The following FRYL variants were observed in gnomAD, a reference collection of about 807,000 sequenced individuals.
FRYL encodes the protein FRY like transcription coactivator.
Under a neutral mutation model 351.2 loss-of-function variants are expected in FRYL, and 150 were observed. The ratio of observed to expected loss-of-function variants is 0.43; its 90% CI spans 0.37 to 0.49. The LOEUF (loss-of-function observed/expected upper bound fraction) is 0.49, where lower values mean the gene tolerates loss of function less well. Among genes scored for constraint, FRYL ranks in the 20% least tolerant of loss-of-function variants. FRYL has a pLI of 0.00. For missense variants in FRYL, 3,036 were observed against 3,619.3 expected (o/e 0.84, Z 4.13); for synonymous variants, 1,153 against 1,257.1 (o/e 0.92, Z 1.75).
chr4:48,550,573 A>G lies in FRYL; in HGVS notation c.4633+19T>C. ...ACCTCACCCTTATAGTTATATTAAA[A>G]ACATTTGGAATTTATTACTTTTTTC... On this transcript the variant is annotated intron_variant, in intron 38 of 63. Coordinates refer to ENST00000358350, the MANE Select transcript of FRYL (RefSeq NM_015030.2). 7.0e-7 allele frequency: 1 copy of G among 1,427,062 alleles called. No individual in the cohort carries two copies. The highest frequency in any genetic ancestry group is 1.1e-5 in the South Asian group (1 of 87,264). The allele number at this position is 1,427,062 out of a possible 1,614,324, so 88.4% of individuals were successfully genotyped here.
intron 4 of FRYL, among the ~76,000 whole-genome samples, chr4:48,625,521 G>A (rs767065575): frequency 8.5e-5 from 13 of 152,234 alleles, no homozygotes; most frequent in Non-Finnish European, 1.5e-4. Flanking sequence ...ACAGACTTGT[G>A]TCATTATTCC....
intron 3 of FRYL, among the ~76,000 whole-genome samples, chr4:48,656,253 A>T (rs1389453829): frequency 8.2e-6 from 1 of 121,946 alleles, no homozygotes; most frequent in Admixed American, 9.1e-5. Flanking sequence ...TTATGAATAT[A>T]TATTTGAATA....
At chr4:48,613,817 G>A (rs568960052) in intron 7 of FRYL, among the ~76,000 whole-genome samples, 6 of 152,074 alleles carry the variant, frequency 3.9e-5, no homozygotes, top group Admixed American at 6.5e-5. Flanking sequence ...TTAGCCAGGC[G>A]TGGTAGCACA....
chr4:48,700,859 T>G (rs1051430036), intron 2 of FRYL, among the ~76,000 whole-genome samples: 16 of 151,914 alleles, frequency 1.1e-4, no homozygotes, highest in Non-Finnish European at 1.5e-5. Context: ...AAATGCATTA[T>G]AATTGAAGCT....
chr4:48,568,900 T>C (rs1346682574), intron 27 of FRYL, among the ~76,000 whole-genome samples: 3 of 152,188 alleles, frequency 2.0e-5, no homozygotes, highest in Non-Finnish European at 4.4e-5. Context: ...GTCAGGCACA[T>C]GAAATCCACT....
chr4:48,548,832 C>T, intron 39 of FRYL, 39 bp from the exon 40 acceptor site: 1 of 1,131,730 alleles, frequency 8.8e-7, no homozygotes, highest in Non-Finnish European at 1.3e-6. Flanking sequence ...TTTACTAGAT[C>T]TCAGTAAACC....
chr4:48,509,769 G>A lies in FRYL; in HGVS notation c.8394+290C>T, dbSNP rs775030982. Among the ~76,000 whole-genome samples the A allele has an allele frequency of 5.3e-5, 8 of 152,172 alleles. 1 individual carries two copies. Among genetic ancestry groups the A allele is most frequent in the Non-Finnish European group, 1.0e-4 (7 of 68,022 alleles). Reference sequence around the variant, plus strand: ...AGACCACAATTCTCTAATGCACTGAGAAATACTGCTTCAATTTCCCCACTT... The same window carrying A: ...AGACCACAATTCTCTAATGCACTGAAAAATACTGCTTCAATTTCCCCACTT... On this transcript the variant is annotated intron_variant, in intron 59 of 63. Coordinates refer to ENST00000358350, the MANE Select transcript of FRYL (RefSeq NM_015030.2).
intron 3 of FRYL, among the ~76,000 whole-genome samples, chr4:48,676,400 C>A (rs1410867296): frequency 6.6e-6 from 1 of 152,172 alleles, no homozygotes; most frequent in African/African-American, 2.4e-5. Flanking sequence ...TCCAGACGCA[C>A]CATCTTAAGA....
chr4:48,557,209 T>G, intron 34 of FRYL, 91 bp from the exon 35 acceptor site: 1 of 1,447,138 alleles, frequency 6.9e-7, no homozygotes, highest in South Asian at 1.4e-5. Context: ...AAAAATGTTT[T>G]GTACAGATAG....
chr4:48,704,606 G>T (rs1229625260), intron 2 of FRYL, among the ~76,000 whole-genome samples: 1 of 152,086 alleles, frequency 6.6e-6, no homozygotes, highest in Non-Finnish European at 1.5e-5. Flanking sequence ...GAGGCTAGGA[G>T]TTCCAGACCA....
intron 1 of FRYL, among the ~76,000 whole-genome samples, chr4:48,711,367 T>G: frequency 6.6e-6 from 1 of 152,298 alleles, no homozygotes; most frequent in Admixed American, 6.5e-5. Flanking sequence ...ACTCAAATAC[T>G]GCGCTTTTCC....
At chr4:48,515,448 A>G (rs750093145) in intron 55 of FRYL, among the ~76,000 whole-genome samples, 173 bp from the exon 56 acceptor site, 6 of 152,138 alleles carry the variant, frequency 3.9e-5, no homozygotes, top group African/African-American at 7.2e-5. Context: ...GCTCACTGCA[A>G]TCTCCGCCTC....
intron 21 of FRYL, among the ~76,000 whole-genome samples, chr4:48,581,179 T>A (rs1740813052): frequency 1.3e-5 from 2 of 151,874 alleles, no homozygotes; most frequent in South Asian, 4.2e-4. Context: ...GTAGCTGGAC[T>A]ACAGGCGCCC....
chr4:48,737,241 G>A (rs1038485238), intron 1 of FRYL, among the ~76,000 whole-genome samples: 1 of 135,114 alleles, frequency 7.4e-6, no homozygotes, highest in African/African-American at 2.7e-5. Context: ...CTGGGCCACA[G>A]AGCGAGACTC....
At chr4:48,505,390 C>A in intron 60 of FRYL, 157 bp downstream of exon 60, 86 of 610,316 alleles carry the variant, frequency 1.4e-4, no homozygotes, top group Middle Eastern at 2.6e-4. Context: ...ACCAGTATTT[C>A]ATTGAGCTTT....
intron 2 of FRYL, among the ~76,000 whole-genome samples, chr4:48,702,083 A>G (rs1766779108): frequency 6.6e-6 from 1 of 152,218 alleles, no homozygotes; most frequent in Non-Finnish European, 1.5e-5. Flanking sequence ...AAGAAATTTG[A>G]ATGACTGATC....
At chr4:48,759,238 A>AT (rs1402498767) in intron 1 of FRYL, among the ~76,000 whole-genome samples, 1 of 152,156 alleles carries the variant, frequency 6.6e-6, no homozygotes, top group Non-Finnish European at 1.5e-5. Context: ...AATAATAATA[A>AT]AAAAAAGAAA....
chr4:48,756,009 G>C (rs538206417), intron 1 of FRYL, among the ~76,000 whole-genome samples: 31 of 151,426 alleles, frequency 2.0e-4, no homozygotes, highest in African/African-American at 6.8e-4. Context: ...CGAGGGAAGA[G>C]AACTGCTTGA....
chr4:48,637,988 C>T (rs899231969), intron 3 of FRYL: 1 of 151,996 alleles, frequency 6.6e-6, no homozygotes, highest in Non-Finnish European at 1.5e-5. Flanking sequence ...TTTTTACACA[C>T]AACATTCTGA....
Sources: gnomAD v4.1 joint callset for allele counts (sites outside exome capture counted in the v4.1 genomes callset) on GRCh38, gnomAD v4.1.1 for gene constraint, MANE v1.5 for transcripts, NCBI Gene and HGNC (gene_info 2026-07-23, HGNC 2026-07-21) for gene names.